The following COL11A1 variants were observed in gnomAD, a reference collection of about 807,000 sequenced individuals.
The protein encoded by COL11A1 is collagen type XI alpha 1 chain.
Under a neutral mutation model 265.2 loss-of-function variants are expected in COL11A1, and 74 were observed. That is an observed-to-expected ratio of 0.28 (90% confidence interval 0.23 to 0.34). COL11A1 has a LOEUF of 0.34. Among genes scored for constraint, COL11A1 ranks in the 10% least tolerant of loss-of-function variants. The probability of loss-of-function intolerance (pLI) is 1.00; values close to 1 mark genes in which losing one functional copy is unlikely to be tolerated. For synonymous variants in COL11A1, 816 were observed against 727.6 expected, an observed-to-expected ratio of 1.12 and a Z score of -1.96; for missense variants, 2,165 against 2,263.6, an observed-to-expected ratio of 0.96 and a Z score of 0.88.
chr1:103,077,535 G>T (rs1192838506), intron 3 of COL11A1, among the ~76,000 whole-genome samples: 1 of 151,724 alleles, frequency 6.6e-6, no homozygotes, highest in Non-Finnish European at 1.5e-5. Context: ...GCCTAAAGTT[G>T]TAAAGTCTCA....
intron 36 of COL11A1, 114 bp downstream of exon 36, chr1:102,974,716 T>G (rs1557891574): frequency 1.3e-6 from 1 of 794,860 alleles, no homozygotes; most frequent in Non-Finnish European, 2.0e-6. Context: ...TCAATTGTAA[T>G]TTTACAGAGA....
chr1:103,087,343 GT>G (rs1190214674), intron 1 of COL11A1, among the ~76,000 whole-genome samples: 1 of 152,158 alleles, frequency 6.6e-6, no homozygotes, highest in Non-Finnish European at 1.5e-5. Flanking sequence ...ACTTAACTGG[GT>G]TCCATACTTT....
intron 54 of COL11A1, among the ~76,000 whole-genome samples, chr1:102,900,945 G>T (rs1382139714): frequency 6.6e-6 from 1 of 152,074 alleles, no homozygotes; most frequent in African/African-American, 2.4e-5. Flanking sequence ...TACTTTTCCT[G>T]AGAGAGTAGT....
rs917621512 is a variant in COL11A1 at position 103,107,124 on chromosome 1, G to A, written c.106+949C>T. On this transcript the variant is annotated intron_variant, in intron 1 of 66. Coordinates refer to ENST00000370096, the MANE Select transcript of COL11A1 (RefSeq NM_001854.4). ...TTTTCGGGAAAGGGCGGGGGAAAGA[G>A]GGAGGGAGAAGGCGGAGGGGAGGAG... 4.6e-5 allele frequency among the ~76,000 whole-genome samples: 7 copies of A among 152,160 alleles called. No homozygotes were observed. The South Asian group carries it at 1.5e-3, about 32-fold the overall frequency.
At chr1:102,924,114 G>A (rs1322027895) in intron 46 of COL11A1, among the ~76,000 whole-genome samples, 1 of 151,708 alleles carries the variant, frequency 6.6e-6, no homozygotes, top group Non-Finnish European at 1.5e-5. Context: ...ACAGCTACTC[G>A]GGAGGCTGAG....
intron 37 of COL11A1, among the ~76,000 whole-genome samples, chr1:102,969,036 G>A (rs1239694860): frequency 6.6e-6 from 1 of 152,198 alleles, no homozygotes; most frequent in Non-Finnish European, 1.5e-5. Flanking sequence ...TGCAAATTGA[G>A]TGTTGACTCT....
chr1:102,942,835 A>C (rs1658872524), intron 42 of COL11A1, among the ~76,000 whole-genome samples: 1 of 152,080 alleles, frequency 6.6e-6, no homozygotes, highest in South Asian at 2.1e-4. Flanking sequence ...AACACTTCTC[A>C]CAACTTATCA....
intron 4 of COL11A1, 149 bp downstream of exon 4, chr1:103,074,469 C>T: frequency 1.3e-6 from 1 of 792,808 alleles, no homozygotes; most frequent in Non-Finnish European, 2.0e-6. Flanking sequence ...AAAACATCAC[C>T]ACTATACTCA....
chr1:102,881,073 T>A (rs1417718944), intron 65 of COL11A1, among the ~76,000 whole-genome samples: 4 of 151,876 alleles, frequency 2.6e-5, no homozygotes, highest in Non-Finnish European at 4.4e-5. Flanking sequence ...TCAAAGAAAA[T>A]TAAACAACTG....
intron 54 of COL11A1, among the ~76,000 whole-genome samples, chr1:102,906,776 T>C (rs1470536909): frequency 6.6e-6 from 1 of 151,946 alleles, no homozygotes; most frequent in Non-Finnish European, 1.5e-5. Flanking sequence ...TGAGGTAGAG[T>C]TATTGACTAA....
At chr1:102,923,932 G>T (rs1656274692) in intron 46 of COL11A1, among the ~76,000 whole-genome samples, 1 of 151,918 alleles carries the variant, frequency 6.6e-6, no homozygotes, top group Non-Finnish European at 1.5e-5. Flanking sequence ...TTTCAGGCCG[G>T]GCGCAGTGGC....
At chr1:102,999,459 T>C (rs191070716) in intron 24 of COL11A1, among the ~76,000 whole-genome samples, 2 of 151,918 alleles carry the variant, frequency 1.3e-5, no homozygotes, top group Non-Finnish European at 2.9e-5. Flanking sequence ...CAGAGAGTTA[T>C]GTAACATCAA....
intron 1 of COL11A1, among the ~76,000 whole-genome samples, chr1:103,090,588 A>G (rs978499882): frequency 1.3e-5 from 2 of 152,188 alleles, no homozygotes; most frequent in Non-Finnish European, 2.9e-5. Flanking sequence ...TATTATTTCT[A>G]TGACTTTGGA....
At chr1:103,102,883 C>A (rs1230706277) in intron 1 of COL11A1, among the ~76,000 whole-genome samples, 2 of 151,962 alleles carry the variant, frequency 1.3e-5, no homozygotes, top group East Asian at 3.9e-4. Flanking sequence ...TAGTTGAAGA[C>A]TGGACTTCTA....
intron 1 of COL11A1, among the ~76,000 whole-genome samples, 160 bp from the exon 2 acceptor site, chr1:103,083,132 G>T (rs1672549770): frequency 6.6e-6 from 1 of 151,984 alleles, no homozygotes; most frequent in African/African-American, 2.4e-5. Context: ...GAGTGGGGCA[G>T]CAGGTAGTAA....
chr1:102,898,992 A>G lies in COL11A1; in HGVS notation c.4089T>C (p.Gly1363=). The G allele has an allele frequency of 6.5e-7, 1 of 1,533,828 alleles. No homozygotes were observed. Among genetic ancestry groups the G allele is most frequent in the Non-Finnish European group, 8.8e-7 (1 of 1,131,632 alleles). ...AGPPGPPGKR[G]PPGAAGAEGR... Reference sequence around the variant, plus strand: ...CCTCTGCACCTGCAGCTCCAGGAGGACCCTATAGACATAAGATTTATTGTA... The same window carrying G: ...CCTCTGCACCTGCAGCTCCAGGAGGGCCCTATAGACATAAGATTTATTGTA... The change falls in exon 55 of 67, where the codon GGT becomes GGC. Residue 1363 remains glycine, a splice_region_variant and synonymous_variant. Transcript: ENST00000370096.
At chr1:102,974,017 G>T (rs1662224701) in intron 36 of COL11A1, among the ~76,000 whole-genome samples, 1 of 152,072 alleles carries the variant, frequency 6.6e-6, no homozygotes, top group African/African-American at 2.4e-5. Flanking sequence ...TATAGACTTG[G>T]CCCCTGCCCC....
At chr1:103,077,642 G>A (rs928552215) in intron 3 of COL11A1, among the ~76,000 whole-genome samples, 2 of 151,942 alleles carry the variant, frequency 1.3e-5, no homozygotes, top group African/African-American at 2.4e-5. Context: ...ATAACCAAAT[G>A]TGCTATTTTG....
rs1194226000 is a variant in COL11A1, at chr1:103,006,291, G to A, written c.1708C>T (p.Pro570Ser). ...TTTCCAGGTTTTCCCGTTGGACCAG[G>A]GGGACCCTGGACGCCTCGAGGGCCC... ...PQGPRGVQGP[P>S]GPTGKPGKRG... The change falls in exon 16 of 67, where the codon CCT (proline) becomes TCT (serine). Residue 570 changes from proline to serine, a missense_variant. Pro to Ser is a moderately conservative substitution (Grantham distance 74, BLOSUM62 -1). Transcript: ENST00000370096. The A allele has an allele frequency of 3.9e-5, 62 of 1,609,442 alleles. No homozygotes were observed. The highest frequency in any genetic ancestry group is 5.3e-5 in the Non-Finnish European group (62 of 1,177,816).
Sources: gnomAD v4.1 joint callset for allele counts (sites outside exome capture counted in the v4.1 genomes callset) on GRCh38, gnomAD v4.1.1 for gene constraint, MANE v1.5 for transcripts, NCBI Gene and HGNC (gene_info 2026-07-23, HGNC 2026-07-21) for gene names.